Variants in GALNT13 observed in about 807,000 individuals in gnomAD.
GALNT13 encodes the protein UDP-GalNAc:polypeptide N-acetylgalactosaminyltransferase 13.
In GALNT13, 28 loss-of-function variants were observed where a neutral mutation model predicts 64.2. That is an observed-to-expected ratio of 0.44 (90% confidence interval 0.32 to 0.60). The LOEUF is 0.60. GALNT13 is among the 20% of genes least tolerant of loss of function. The pLI, the probability that GALNT13 is intolerant of heterozygous loss-of-function variation, is 0.05. For missense variants in GALNT13, 577 were observed against 669.8 expected, an observed-to-expected ratio of 0.86 and a Z score of 1.53; for synonymous variants, 214 against 224.6, an observed-to-expected ratio of 0.95 and a Z score of 0.42.
chr2:154,298,537 T>TAC (rs1229214354), intron 8 of GALNT13, among the ~76,000 whole-genome samples: 6 of 76,966 alleles, frequency 7.8e-5, no homozygotes, highest in Non-Finnish European at 1.2e-4. Flanking sequence ...AAATTGTATA[T>TAC]ATTTATATAT....
the GALNT13 span, among the ~76,000 whole-genome samples, chr2:153,742,780 C>T: frequency 2.7e-4 from 41 of 152,038 alleles, no homozygotes; most frequent in African/African-American, 9.7e-4. Flanking sequence ...CATAGTATTT[C>T]ATGGTACATA....
At chr2:153,339,682 A>T in the GALNT13 span, among the ~76,000 whole-genome samples, 1 of 152,158 alleles carries the variant, frequency 6.6e-6, no homozygotes, top group African/African-American at 2.4e-5. Flanking sequence ...CAAAAAATTC[A>T]TTGCCTAACT....
At chr2:154,158,627 A>T (rs1684561104) in intron 4 of GALNT13, among the ~76,000 whole-genome samples, 1 of 152,176 alleles carries the variant, frequency 6.6e-6, no homozygotes, top group Non-Finnish European at 1.5e-5. Context: ...TCTCACTGCA[A>T]GGTACAGGTG....
At chr2:153,759,367 T>C in the GALNT13 span, among the ~76,000 whole-genome samples, 1 of 152,194 alleles carries the variant, frequency 6.6e-6, no homozygotes, top group Non-Finnish European at 1.5e-5. Flanking sequence ...AAATTAGACA[T>C]TCATGTCTTG....
At chr2:154,174,407 A>G (rs959926963) in intron 4 of GALNT13, among the ~76,000 whole-genome samples, 3 of 152,156 alleles carry the variant, frequency 2.0e-5, no homozygotes, top group African/African-American at 7.2e-5. Context: ...ACTCTAAGAA[A>G]CAAGTGAACT....
chr2:153,542,045 C>T, the GALNT13 span, among the ~76,000 whole-genome samples: 2 of 152,074 alleles, frequency 1.3e-5, no homozygotes, highest in Admixed American at 1.3e-4. Flanking sequence ...AGGCCGGGTA[C>T]AGTGGCTCAC....
the GALNT13 span, among the ~76,000 whole-genome samples, chr2:153,632,668 G>T: frequency 3.3e-5 from 5 of 151,816 alleles, no homozygotes; most frequent in African/African-American, 9.7e-5. Flanking sequence ...TTTTGAGAAT[G>T]GTTTCCTTTA....
At chr2:153,834,158 T>G in the GALNT13 span, among the ~76,000 whole-genome samples, 1 of 152,254 alleles carries the variant, frequency 6.6e-6, no homozygotes, top group Non-Finnish European at 1.5e-5. Context: ...GGGTATATTT[T>G]CTGTTGTAAA....
the GALNT13 span, among the ~76,000 whole-genome samples, chr2:153,388,629 G>A: frequency 6.6e-6 from 1 of 152,092 alleles, no homozygotes; most frequent in Non-Finnish European, 1.5e-5. Flanking sequence ...GGATTTTAGA[G>A]TTTGAAGGGA....
At chr2:154,148,835 T>A (rs1264018977) in intron 4 of GALNT13, among the ~76,000 whole-genome samples, 1 of 152,214 alleles carries the variant, frequency 6.6e-6, no homozygotes, top group Non-Finnish European at 1.5e-5. Context: ...TAGCCCTTTG[T>A]CAGATGAGTA....
At chr2:153,531,648 CA>C in the GALNT13 span, among the ~76,000 whole-genome samples, 2 of 152,086 alleles carry the variant, frequency 1.3e-5, no homozygotes, top group South Asian at 4.2e-4. Flanking sequence ...GTCCACAGTC[CA>C]AAATCTCATC....
chr2:153,248,820 AAAAAAAAAG>A, the GALNT13 span, among the ~76,000 whole-genome samples: 1 of 60,466 alleles, frequency 1.7e-5, no homozygotes, highest in South Asian at 3.4e-4. Flanking sequence ...TGTCTCGAAA[AAAAAAAAAG>A]AAAAAAAAGA....
chr2:153,877,461 A>G (rs1448421929), intron 1 of GALNT13, among the ~76,000 whole-genome samples: 1 of 152,182 alleles, frequency 6.6e-6, no homozygotes, highest in Non-Finnish European at 1.5e-5. Flanking sequence ...AGCACAATCA[A>G]AAATCATCCA....
intron 1 of GALNT13, among the ~76,000 whole-genome samples, chr2:153,886,964 T>C (rs1257997650): frequency 2.6e-5 from 4 of 152,010 alleles, no homozygotes; most frequent in African/African-American, 9.7e-5. Flanking sequence ...ATAAATGTAG[T>C]TTAAAAATTC....
chr2:153,516,156 T>C, the GALNT13 span, among the ~76,000 whole-genome samples: 1 of 152,224 alleles, frequency 6.6e-6, no homozygotes, highest in Non-Finnish European at 1.5e-5. Context: ...TCTACCATTA[T>C]TGTACTTATT....
intron 4 of GALNT13, among the ~76,000 whole-genome samples, chr2:154,180,623 A>C (rs1471618628): frequency 6.6e-6 from 1 of 152,194 alleles, no homozygotes; most frequent in Non-Finnish European, 1.5e-5. Context: ...CACCATGCAT[A>C]ATAAGCGTAG....
intron 1 of GALNT13, among the ~76,000 whole-genome samples, chr2:153,877,236 G>A (rs1686441033): frequency 6.6e-6 from 1 of 152,078 alleles, no homozygotes; most frequent in African/African-American, 2.4e-5. Context: ...GATGGGGGCT[G>A]TGCAAGATAT....
chr2:153,789,676 A>G, the GALNT13 span, among the ~76,000 whole-genome samples: 1 of 152,088 alleles, frequency 6.6e-6, no homozygotes. Context: ...AATATAATAG[A>G]TAGGCCACTT....
chr2:153,836,722 T>A, the GALNT13 span, among the ~76,000 whole-genome samples: 1 of 148,414 alleles, frequency 6.7e-6, no homozygotes, highest in African/African-American at 2.5e-5. Context: ...GTGATCTCAT[T>A]GTTCAATTCC....
Sources: allele counts gnomAD v4.1 joint callset (sites outside exome capture counted in the v4.1 genomes callset), GRCh38; gene constraint gnomAD v4.1.1; transcripts MANE v1.5; gene names NCBI Gene and HGNC (gene_info 2026-07-23, HGNC 2026-07-21).